The following KCNT1 variants were observed in gnomAD, a reference collection of about 807,000 sequenced individuals.
The protein encoded by KCNT1 is potassium sodium-activated channel subfamily T member 1, also known as potassium channel subfamily T member 1.
A neutral mutation model predicts 147.8 loss-of-function variants in KCNT1; 78 were observed. That is an observed-to-expected ratio of 0.53 (90% CI 0.44 to 0.64). The LOEUF (loss-of-function observed/expected upper bound fraction) is 0.64, where lower values mean the gene tolerates loss of function less well. Among genes scored for constraint, KCNT1 ranks in the 30% least tolerant of loss-of-function variants. The probability of loss-of-function intolerance (pLI) is 0.00; values close to 1 mark genes in which losing one functional copy is unlikely to be tolerated. For synonymous variants in KCNT1, 867 were observed against 748.8 expected (o/e 1.16, Z -2.58); for missense variants, 1,419 against 1,750.3 (o/e 0.81, Z 3.38).
intron 9 of KCNT1, among the ~76,000 whole-genome samples, chr9:135,758,161 C>T (rs878995084): frequency 1.7e-5 from 2 of 115,150 alleles, no homozygotes; most frequent in Non-Finnish European, 2.0e-5. Flanking sequence ...GGGCCTCAGC[C>T]GAGACACAGG....
intron 2 of KCNT1, among the ~76,000 whole-genome samples, chr9:135,716,289 C>T (rs373039490): frequency 6.6e-6 from 1 of 152,140 alleles, no homozygotes; most frequent in East Asian, 1.9e-4. Context: ...GACTCGATAA[C>T]GCCTGTGGCT....
chr9:135,784,850 C>T lies in KCNT1; in HGVS notation c.3117C>T (p.Gly1039=). 1 of 1,612,828 alleles carries T rather than the reference C, an allele frequency of 6.2e-7. No individual in the cohort carries two copies. Among genetic ancestry groups the T allele is most frequent in the Non-Finnish European group, 8.5e-7 (1 of 1,179,998 alleles). ...LCSSSAEIPI[G]IYRTESHVFS... is the part of the protein sequence containing the mutation. ...CCTCCAGCGCCGAGATCCCCATTGG[C>T]ATCTACCGGACAGAGAGCCACGTCT... is the stretch of plus-strand genomic sequence containing the variant. The change falls in exon 27 of 31, where the codon GGC becomes GGT. Residue 1039 remains glycine, a synonymous_variant. Coordinates refer to ENST00000371757, the MANE Select transcript of KCNT1 (RefSeq NM_020822.3).
At chr9:135,720,341 T>A (rs2131339904) in intron 2 of KCNT1, among the ~76,000 whole-genome samples, 1 of 152,080 alleles carries the variant, frequency 6.6e-6, no homozygotes, top group Admixed American at 6.5e-5. Context: ...AGCCCTGCCC[T>A]CCGAGCCCTC....
intron 2 of KCNT1, among the ~76,000 whole-genome samples, chr9:135,743,591 G>C (rs563977526): frequency 7.9e-5 from 12 of 152,302 alleles, no homozygotes; most frequent in East Asian, 7.7e-4. Context: ...AGAGGGTGAC[G>C]GGTGTGAGAT....
At chr9:135,763,675 C>A (rs1364170503) in intron 11 of KCNT1, among the ~76,000 whole-genome samples, 1 of 152,176 alleles carries the variant, frequency 6.6e-6, no homozygotes, top group East Asian at 1.9e-4. Flanking sequence ...CTTCTCTGTA[C>A]CTCTCACTGG....
chr9:135,770,031 T>C lies in KCNT1; in HGVS notation c.1595T>C (p.Leu532Pro). The change falls in exon 16 of 31, where the codon CTG becomes CCG. Residue 532 changes from leucine (L) to proline (P), a missense_variant. Transcript: ENST00000371757. ...ICPATSTLIT[L>P]LVHTSRGQEG... ...CCGGCGACCTCCACCCTCATCACCC[T>C]GCTGGTGCACACGTCCCGCGGCCAG... 1 of 1,553,308 alleles carries C rather than the reference T, an allele frequency of 6.4e-7. No homozygotes were observed. The highest frequency in any genetic ancestry group is 8.7e-7 in the Non-Finnish European group (1 of 1,148,750).
chr9:135,716,791 C>T (rs1044588260), intron 2 of KCNT1, among the ~76,000 whole-genome samples: 1 of 152,250 alleles, frequency 6.6e-6, no homozygotes, highest in Non-Finnish European at 1.5e-5. Context: ...TACAGGGCAT[C>T]TGTGCCACCC....
rs1832175260 is a variant in KCNT1, at chr9:135,765,185, C to T, written c.1190C>T (p.Pro397Leu). 2 of 1,611,560 alleles carry T rather than the reference C, an allele frequency of 1.2e-6. No individual in the cohort carries two copies. The highest frequency in any genetic ancestry group is 2.7e-5 in the African/African-American group (2 of 74,848). ...MDFLNEFYAH[P>L]RLQDYYVVIL... is the part of the protein sequence containing the mutation. ...TTCCTGAACGAGTTCTACGCCCACCCCCGGCTCCAGGTGAGGCCCCTTACC... is the reference window on the plus strand; with the variant it reads ...TTCCTGAACGAGTTCTACGCCCACCTCCGGCTCCAGGTGAGGCCCCTTACC... Residue 397 changes from proline to leucine, a missense_variant, in exon 12 of 31, where the codon CCC becomes CTC. Physicochemically the swap from Pro to Leu is moderately conservative, Grantham distance 98 (BLOSUM62 -3). This residue lies in a region of KCNT1 where 401 missense variants were observed against 610.6 expected (regional missense o/e 0.66). Coordinates refer to ENST00000371757, the MANE Select transcript of KCNT1 (RefSeq NM_020822.3).
intron 2 of KCNT1, among the ~76,000 whole-genome samples, chr9:135,744,718 G>T (rs561219324): frequency 6.6e-6 from 1 of 152,312 alleles, no homozygotes; most frequent in Admixed American, 6.5e-5. Flanking sequence ...GCTCTCCCAG[G>T]GCCAGGGCCA....
intron 2 of KCNT1, among the ~76,000 whole-genome samples, chr9:135,720,588 G>T (rs770255492): frequency 6.6e-6 from 1 of 152,056 alleles, no homozygotes; most frequent in Non-Finnish European, 1.5e-5. Flanking sequence ...AGAAGCAGGG[G>T]GCCCAGGCAG....
intron 13 of KCNT1, among the ~76,000 whole-genome samples, chr9:135,767,036 C>T (rs753701357): frequency 3.9e-5 from 6 of 152,138 alleles, no homozygotes; most frequent in South Asian, 2.1e-4. Context: ...TGTGTCGGTG[C>T]ACTTTCTGGG....
rs192658955 is a variant in KCNT1 at position 135,770,841 on chromosome 9, C to T, written c.1770-16C>T. 244 of 1,552,968 alleles carry T rather than the reference C, an allele frequency of 1.6e-4. No individual in the cohort carries two copies. In the African/African-American group the frequency reaches 1.6e-3, roughly 10 times the overall value. ...GGTGAGCGGCGGTACCTGAAGTTGC[C>T]GGTGCCTCTGCCCAGGTATGGCGTG... On this transcript the variant is annotated splice_polypyrimidine_tract_variant and intron_variant, in intron 17 of 30. Coordinates refer to ENST00000371757, the MANE Select transcript of KCNT1 (RefSeq NM_020822.3).
At chr9:135,763,273 C>T (rs563465647) in intron 11 of KCNT1, among the ~76,000 whole-genome samples, 17 of 101,760 alleles carry the variant, frequency 1.7e-4, no homozygotes, top group Non-Finnish European at 2.9e-4. Flanking sequence ...CTCTCACTGG[C>T]GATGGTAAGG....
rs749381122 is a variant in KCNT1 at position 135,778,519 on chromosome 9, C to A, written c.2594+24C>A. ...AAGTAAGGCGTGGCCGGCCGAGGCT[C>A]GTGGGGGCTCCACACCCACCCCTCC... On this transcript the variant is annotated intron_variant, in intron 22 of 30. Coordinates refer to ENST00000371757, the MANE Select transcript of KCNT1 (RefSeq NM_020822.3). 7 of 1,596,680 alleles carry A rather than the reference C, an allele frequency of 4.4e-6. No homozygotes were observed. In the South Asian group the frequency reaches 7.8e-5, roughly 18 times the overall value.
chr9:135,772,926 C>A lies in KCNT1; in HGVS notation c.2220C>A (p.Asp740Glu). ...CGGAGGATGAGGTGACGCCGTCGGA[C>A]GACGAGGGGCTCTCCGTGGTAGAGT... ...DQSEDEVTPS[D>E]DEGLSVVEYV... Residue 740 changes from aspartate to glutamate, a missense_variant, in exon 19 of 31, where the codon GAC becomes GAA. Physicochemically the swap from Asp to Glu is conservative, Grantham distance 45 (BLOSUM62 2). Transcript: ENST00000371757. 2.6e-6 allele frequency: 4 copies of A among 1,518,880 alleles called. No homozygotes were observed. Among genetic ancestry groups the A allele is most frequent in the Non-Finnish European group, 2.6e-6 (3 of 1,135,494 alleles). The allele number at this position is 1,518,880 out of a possible 1,614,324, so 94.1% of individuals were successfully genotyped here. A position where few individuals can be genotyped will look rare whatever the true frequency, so the allele number is the denominator to read the frequency against.
chr9:135,731,443 C>T (rs188176924), intron 2 of KCNT1, among the ~76,000 whole-genome samples: 57 of 152,314 alleles, frequency 3.7e-4, no homozygotes, highest in African/African-American at 1.3e-3. Flanking sequence ...TCTGTAGCCA[C>T]CTCAGTGGGC....
Position 135,742,693 on chromosome 9 carries a change from G to A in KCNT1, c.255-7405G>A, listed in dbSNP as rs192664501. On this transcript the variant is annotated intron_variant, in intron 2 of 30. Coordinates refer to ENST00000371757, the MANE Select transcript of KCNT1 (RefSeq NM_020822.3). ...TGTCTGTCTACTGCCTTCTCCATCC[G>A]TCCGTCTATCTGTCTGCTGCCTTCT... The A allele has an allele frequency of 5.9e-5, 42 of 715,188 alleles. No individual in the cohort carries two copies. The Middle Eastern group carries it at 9.2e-4, about 16-fold the overall frequency. The allele number at this position is 715,188 out of a possible 1,614,324, so 44.3% of individuals were successfully genotyped here.
chr9:135,787,004 C>T (rs1275007894), intron 29 of KCNT1, among the ~76,000 whole-genome samples: 4 of 152,228 alleles, frequency 2.6e-5, no homozygotes, highest in African/African-American at 7.2e-5. Context: ...AGCGGATACC[C>T]AGGGTCCCTG....
chr9:135,702,257 G>T lies in KCNT1; in HGVS notation c.-2G>T, dbSNP rs755925152. 1.2e-6 allele frequency: 2 copies of T among 1,605,564 alleles called. No homozygotes were observed. Among genetic ancestry groups the T allele is most frequent in the South Asian group, 1.1e-5 (1 of 90,910 alleles). On this transcript the variant is annotated 5_prime_UTR_variant, in exon 1 of 31. Coordinates refer to ENST00000371757, the MANE Select transcript of KCNT1 (RefSeq NM_020822.3). ...CGGGTCGGGTCCGAGCTGCCAGGCC[G>T]CATGCCACTCCCTGACGGGGCGCGG...
Sources: gnomAD v4.1 joint callset for allele counts (sites outside exome capture counted in the v4.1 genomes callset) on GRCh38, gnomAD v4.1.1 for gene constraint, gnomAD v4.1.1 regional missense constraint, MANE v1.5 for transcripts, NCBI Gene and HGNC (gene_info 2026-07-23, HGNC 2026-07-21) for gene names.